ZMYM2: variants seen among roughly 807,000 people sequenced by gnomAD.
ZMYM2 encodes the protein zinc finger MYM-type protein 2.
A neutral mutation model predicts 162.8 loss-of-function variants in ZMYM2; 56 were observed. The ratio of observed to expected loss-of-function variants is 0.34; its 90% confidence interval spans 0.28 to 0.43. The LOEUF is 0.43. ZMYM2 is among the 20% of genes least tolerant of loss of function. The probability of loss-of-function intolerance (pLI) is 1.00; values close to 1 mark genes in which losing one functional copy is unlikely to be tolerated. For synonymous variants in ZMYM2, 510 were observed against 541.6 expected, an observed-to-expected ratio of 0.94 and a Z score of 0.81; for missense variants, 1,275 against 1,621.8, an observed-to-expected ratio of 0.79 and a Z score of 3.67.
upstream of ZMYM2, among the ~76,000 whole-genome samples, chr13:19,956,550 A>G (rs1009281064): frequency 3.3e-5 from 5 of 152,380 alleles, no homozygotes; most frequent in East Asian, 7.7e-4. Flanking sequence ...ATTCTCCCTG[A>G]TATCAGACCA....
chr13:20,062,712 C>G, intron 17 of ZMYM2, 134 bp from the exon 18 acceptor site: 2 of 908,580 alleles, frequency 2.2e-6, no homozygotes, highest in Non-Finnish European at 3.1e-6. Flanking sequence ...ATAATATGCC[C>G]TTTTCTTTTG....
chr13:19,941,101 G>A, the ZMYM2 span, among the ~76,000 whole-genome samples: 9 of 152,258 alleles, frequency 5.9e-5, no homozygotes, highest in African/African-American at 1.9e-4. Flanking sequence ...TTGAGGCCAG[G>A]AGTTCAAGAC....
intron 12 of ZMYM2, among the ~76,000 whole-genome samples, chr13:20,049,393 A>G (rs1014860620): frequency 4.6e-5 from 7 of 151,958 alleles, no homozygotes; most frequent in Admixed American, 3.3e-4. Context: ...TTGAGGTGGA[A>G]TGTGTTTAAT....
intron 7 of ZMYM2, chr13:20,024,533 C>T (rs535166972): frequency 4.9e-5 from 11 of 222,560 alleles, no homozygotes; most frequent in Non-Finnish European, 9.9e-5. Context: ...TTCTGTCTTG[C>T]AAACTTGCAA....
chr13:19,977,883 T>G (rs1016297443), intron 2 of ZMYM2, among the ~76,000 whole-genome samples: 2 of 150,656 alleles, frequency 1.3e-5, no homozygotes, highest in African/African-American at 4.9e-5. Context: ...TTTAAAAGTT[T>G]TTTTTTTTTT....
At chr13:20,030,354 C>T (rs1052663581) in intron 9 of ZMYM2, among the ~76,000 whole-genome samples, 1 of 150,988 alleles carries the variant, frequency 6.6e-6, no homozygotes, top group Non-Finnish European at 1.5e-5. Flanking sequence ...GCCTCAGCCT[C>T]CCAAGTAGCT....
At chr13:20,036,595 T>C in intron 11 of ZMYM2, 142 bp from the exon 12 acceptor site, 1 of 528,288 alleles carries the variant, frequency 1.9e-6, no homozygotes, top group Non-Finnish European at 3.0e-6. Flanking sequence ...TGTTCTAATT[T>C]TTATAGGTTG....
chr13:20,072,802 T>C (rs1957188623), intron 21 of ZMYM2, among the ~76,000 whole-genome samples: 1 of 152,204 alleles, frequency 6.6e-6, no homozygotes, highest in Non-Finnish European at 1.5e-5. Flanking sequence ...TTTCAAGAAA[T>C]GATGCATTTC....
the ZMYM2 span, among the ~76,000 whole-genome samples, chr13:19,888,202 T>G: frequency 2.0e-5 from 3 of 151,646 alleles, no homozygotes; most frequent in African/African-American, 7.3e-5. Flanking sequence ...GGTTTTGTTT[T>G]TTTTGAGACA....
intron 11 of ZMYM2, among the ~76,000 whole-genome samples, chr13:20,035,150 TA>T (rs1381071037): frequency 6.6e-6 from 1 of 152,246 alleles, no homozygotes. Flanking sequence ...TAATGAGGAA[TA>T]TTTTTTTCTG....
chr13:19,947,037 T>A, the ZMYM2 span, among the ~76,000 whole-genome samples: 5 of 151,204 alleles, frequency 3.3e-5, no homozygotes, highest in African/African-American at 7.3e-5. Context: ...ATTTTTATTT[T>A]TATTTATTTA....
chr13:20,010,497 T>A (rs1383156657), intron 6 of ZMYM2, among the ~76,000 whole-genome samples: 2 of 152,210 alleles, frequency 1.3e-5, no homozygotes, highest in African/African-American at 4.8e-5. Flanking sequence ...CCACCGTACC[T>A]GGCCAGTGAG....
At chr13:19,982,297 T>TTTTTTTTG (rs1957405847) in intron 2 of ZMYM2, among the ~76,000 whole-genome samples, 1 of 132,292 alleles carries the variant, frequency 7.6e-6, no homozygotes, top group East Asian at 2.2e-4. Flanking sequence ...TTTTTTTTTT[T>TTTTTTTTG]TTTTTTTGGA....
chr13:20,032,503 G>A (rs1171859573), intron 10 of ZMYM2, among the ~76,000 whole-genome samples: 2 of 151,114 alleles, frequency 1.3e-5, no homozygotes, highest in African/African-American at 4.9e-5. Context: ...CTGTTCTTGA[G>A]CCAAAATTTA....
intron 6 of ZMYM2, among the ~76,000 whole-genome samples, chr13:20,015,734 C>T (rs1234464555): frequency 6.6e-6 from 1 of 151,928 alleles, no homozygotes; most frequent in Non-Finnish European, 1.5e-5. Context: ...ATGTATTTTT[C>T]TGTCTCTTGT....
At chr13:19,926,946 G>A in the ZMYM2 span, among the ~76,000 whole-genome samples, 1 of 152,210 alleles carries the variant, frequency 6.6e-6, no homozygotes, top group East Asian at 1.9e-4. Flanking sequence ...TGGATTACAG[G>A]CGTGAGCCAC....
Position 20,034,240 on chromosome 13 carries a change from C to T in ZMYM2, c.1969-14C>T. On this transcript the variant is annotated splice_polypyrimidine_tract_variant and intron_variant, in intron 10 of 24. Transcript: ENST00000610343. ...GTCGTCATATACTTACCAAGGTTCC[C>T]ATTGTGCATTTAGAACAAAGTGCAT... 1.3e-6 allele frequency: 2 copies of T among 1,555,302 alleles called. No homozygotes were observed. The highest frequency in any genetic ancestry group is 1.7e-6 in the Non-Finnish European group (2 of 1,154,194).
intron 21 of ZMYM2, among the ~76,000 whole-genome samples, chr13:20,073,078 T>A (rs1957213693): frequency 1.3e-5 from 2 of 152,104 alleles, no homozygotes; most frequent in Admixed American, 6.5e-5. Flanking sequence ...TGGCTAATTT[T>A]TGTATTTTTA....
the ZMYM2 span, among the ~76,000 whole-genome samples, chr13:19,944,868 G>T: frequency 6.6e-6 from 1 of 151,990 alleles, no homozygotes. Context: ...ATGGGGTTTT[G>T]CTATATTGGC....
Sources: gnomAD v4.1 joint callset for allele counts (sites outside exome capture counted in the v4.1 genomes callset) on GRCh38, gnomAD v4.1.1 for gene constraint, MANE v1.5 for transcripts, NCBI Gene and HGNC (gene_info 2026-07-23, HGNC 2026-07-21) for gene names.